OSBP2: variants seen among roughly 807,000 people sequenced by gnomAD.
OSBP2 encodes the protein oxysterol-binding protein 2.
A neutral mutation model predicts 96.0 loss-of-function variants in OSBP2; 66 were observed. The ratio of observed to expected loss-of-function variants is 0.69; its 90% CI spans 0.56 to 0.84. The LOEUF is 0.84. Ranked by LOEUF, OSBP2 falls within the 40% of genes least tolerant of loss-of-function variation. OSBP2 has a pLI of 0.00. For synonymous variants in OSBP2, 525 were observed against 520.9 expected, an observed-to-expected ratio of 1.01 and a Z score of -0.11; for missense variants, 1,038 against 1,222.7, an observed-to-expected ratio of 0.85 and a Z score of 2.25.
At chr22:30,821,865 G>C (rs1017800758) in intron 2 of OSBP2, among the ~76,000 whole-genome samples, 1 of 152,216 alleles carries the variant, frequency 6.6e-6, no homozygotes, top group Non-Finnish European at 1.5e-5. Context: ...TTAGAAATCA[G>C]CGTTCTCTGA....
chr22:30,785,969 C>G (rs2090583267), intron 2 of OSBP2, among the ~76,000 whole-genome samples: 1 of 152,092 alleles, frequency 6.6e-6, no homozygotes, highest in African/African-American at 2.4e-5. Context: ...ATAAATTACC[C>G]AGTCTCAGGT....
intron 2 of OSBP2, among the ~76,000 whole-genome samples, chr22:30,849,190 C>A (rs2085160513): frequency 6.6e-6 from 1 of 152,044 alleles, no homozygotes; most frequent in Non-Finnish European, 1.5e-5. Flanking sequence ...ATTGCTTGAG[C>A]CCAAGGAGAT....
chr22:30,827,349 ACT>A (rs200024058), intron 2 of OSBP2, among the ~76,000 whole-genome samples: 2,054 of 152,140 alleles, frequency 0.014, 26 homozygotes, highest in Middle Eastern at 0.044. Flanking sequence ...ACTTGGTGTG[ACT>A]CACTGTGAAG....
At chr22:30,694,188 G>C, upstream of OSBP2, 1 of 1,550,222 alleles carries the variant, frequency 6.5e-7, no homozygotes, top group African/African-American at 1.4e-5. Flanking sequence ...TTTACAAAAA[G>C]TCTTCCCCTA....
intron 2 of OSBP2, among the ~76,000 whole-genome samples, chr22:30,752,288 C>CTTTTTTTTTTTTTTTTTTTTTTT (rs10691256): frequency 2.1e-5 from 1 of 48,654 alleles, no homozygotes; most frequent in Non-Finnish European, 3.7e-5. Context: ...CTTTGCTTTG[C>CTTTTTTTTTTTTTTTTTTTTTTT]TTTTTTTTTT....
rs1203441859 is a variant in OSBP2 at position 30,893,814 on chromosome 22, C to T, written c.2191-3C>T. Reference sequence around the variant, plus strand: ...CCTACGCTGGTCCTGCCAATGTCCACAGGTGACAGGAGTGGTGAGTGACAG... The same window carrying T: ...CCTACGCTGGTCCTGCCAATGTCCATAGGTGACAGGAGTGGTGAGTGACAG... On this transcript the variant is annotated splice_polypyrimidine_tract_variant and splice_region_variant and intron_variant, in intron 11 of 13. Coordinates refer to ENST00000332585, the MANE Select transcript of OSBP2 (RefSeq NM_030758.4). The T allele has an allele frequency of 1.9e-6, 3 of 1,597,716 alleles. No homozygotes were observed. The highest frequency in any genetic ancestry group is 2.6e-6 in the Non-Finnish European group (3 of 1,171,860).
At chr22:30,734,175 A>G (rs771712031) in intron 1 of OSBP2, among the ~76,000 whole-genome samples, 1 of 152,108 alleles carries the variant, frequency 6.6e-6, no homozygotes, top group Non-Finnish European at 1.5e-5. Flanking sequence ...GGGTTTCACC[A>G]TGTTGGCCAG....
intron 1 of OSBP2, among the ~76,000 whole-genome samples, chr22:30,703,185 A>AT (rs1183764873): frequency 6.7e-6 from 1 of 150,230 alleles, no homozygotes; most frequent in Admixed American, 6.6e-5. Flanking sequence ...TTTTTTTTAA[A>AT]TTTTTTGAGA....
intron 3 of OSBP2, chr22:30,872,493 T>G (rs1216951745): frequency 2.5e-6 from 1 of 400,330 alleles, no homozygotes; most frequent in East Asian, 7.2e-5. Context: ...CAGCTCCAAG[T>G]TTAAGTGCCT....
At chr22:30,886,868 A>G (rs1006201615) in intron 3 of OSBP2, among the ~76,000 whole-genome samples, 1 of 152,176 alleles carries the variant, frequency 6.6e-6, no homozygotes, top group African/African-American at 2.4e-5. Context: ...AGACCCCACG[A>G]GAGGGTTCTT....
At chr22:30,893,055 T>C (rs2039982935) in intron 8 of OSBP2, 67 bp from the exon 9 acceptor site, 1 of 1,588,924 alleles carries the variant, frequency 6.3e-7, no homozygotes, top group Admixed American at 1.7e-5. Context: ...TGTCCCTCCC[T>C]GGCTGGGGCA....
chr22:30,852,865 C>T (rs1469822379), intron 2 of OSBP2, among the ~76,000 whole-genome samples: 1 of 152,096 alleles, frequency 6.6e-6, no homozygotes, highest in Non-Finnish European at 1.5e-5. Flanking sequence ...TTTCTAATTT[C>T]CAGTTATTCA....
chr22:30,905,528 A>C (rs1480399378), intron 12 of OSBP2, among the ~76,000 whole-genome samples: 2 of 152,208 alleles, frequency 1.3e-5, no homozygotes, highest in African/African-American at 4.8e-5. Flanking sequence ...AAAAAACATA[A>C]TAGAAAAGAA....
At chr22:30,799,018 A>G (rs2090808324) in intron 2 of OSBP2, among the ~76,000 whole-genome samples, 1 of 151,332 alleles carries the variant, frequency 6.6e-6, no homozygotes, top group Non-Finnish European at 1.5e-5. Flanking sequence ...TGTCTCAAAA[A>G]AAAAAAAAAA....
intron 2 of OSBP2, among the ~76,000 whole-genome samples, chr22:30,839,514 T>C (rs2038703752): frequency 6.6e-6 from 1 of 150,552 alleles, no homozygotes; most frequent in Admixed American, 6.6e-5. Context: ...GCACCTGTTG[T>C]TTCCTGACTT....
rs114606989 is a variant in OSBP2 at position 30,776,832 on chromosome 22, C to T, written c.853+35463C>T. Reference sequence around the variant, plus strand: ...CTTTCCCCTAGCTCAAGTAAAAGTACCACTACTGCCTAAGACCATGGGAAC... The same window carrying T: ...CTTTCCCCTAGCTCAAGTAAAAGTATCACTACTGCCTAAGACCATGGGAAC... On this transcript the variant is annotated intron_variant, in intron 2 of 13. Transcript: ENST00000332585. Among the ~76,000 whole-genome samples, 295 of 152,286 alleles carry T rather than the reference C, an allele frequency of 1.9e-3. 1 individual carries two copies. The highest frequency in any genetic ancestry group is 6.6e-3 in the African/African-American group (274 of 41,560).
At chr22:30,751,777 C>T (rs759898530) in intron 2 of OSBP2, among the ~76,000 whole-genome samples, 21 of 152,190 alleles carry the variant, frequency 1.4e-4, no homozygotes, top group Non-Finnish European at 2.5e-4. Context: ...GCGCCCAGGG[C>T]ACTTGAGAGG....
At chr22:30,754,037 A>G (rs1424103117) in intron 2 of OSBP2, among the ~76,000 whole-genome samples, 1 of 152,166 alleles carries the variant, frequency 6.6e-6, no homozygotes, top group African/African-American at 2.4e-5. Flanking sequence ...ATATTGTGTC[A>G]CATTGATCAA....
At chr22:30,699,397 AT>A (rs1477744469) in intron 1 of OSBP2, among the ~76,000 whole-genome samples, 1 of 152,210 alleles carries the variant, frequency 6.6e-6, no homozygotes, top group Non-Finnish European at 1.5e-5. Context: ...CACTACAAAC[AT>A]TCTTGTATGT....
Sources: gnomAD v4.1 joint callset for allele counts (sites outside exome capture counted in the v4.1 genomes callset) on GRCh38, gnomAD v4.1.1 for gene constraint, MANE v1.5 for transcripts, NCBI Gene and HGNC (gene_info 2026-07-23, HGNC 2026-07-21) for gene names.